The following SCP2 variants were observed in gnomAD, a reference collection of about 807,000 sequenced individuals.
The protein encoded by SCP2 is sterol carrier protein 2.
In SCP2, 48 loss-of-function variants were observed where a neutral mutation model predicts 71.4. The ratio of observed to expected loss-of-function variants is 0.67; its 90% CI spans 0.53 to 0.86. The LOEUF (loss-of-function observed/expected upper bound fraction) is 0.86. Among genes scored for constraint, SCP2 ranks in the 40% least tolerant of loss-of-function variants. The probability of loss-of-function intolerance (pLI) is 0.00; values close to 1 mark genes in which losing one functional copy is unlikely to be tolerated. For synonymous variants in SCP2, 220 were observed against 218.1 expected (o/e 1.01, Z -0.08); for missense variants, 560 against 655.6 (o/e 0.85, Z 1.59).
At chr1:53,022,776 CT>C (rs1265027507) in intron 12 of SCP2, among the ~76,000 whole-genome samples, 1 of 152,120 alleles carries the variant, frequency 6.6e-6, no homozygotes, top group Non-Finnish European at 1.5e-5. Flanking sequence ...TGCGGTGCTT[CT>C]GTTTTCCTGG....
At chr1:52,968,095 CAT>C (rs1657141641) in intron 6 of SCP2, among the ~76,000 whole-genome samples, 1 of 152,172 alleles carries the variant, frequency 6.6e-6, no homozygotes, top group Non-Finnish European at 1.5e-5. Flanking sequence ...TGCGTGCCAC[CAT>C]GCCTGGCTAA....
At chr1:52,962,264 A>G (rs904040442) in intron 6 of SCP2, among the ~76,000 whole-genome samples, 2 of 152,176 alleles carry the variant, frequency 1.3e-5, no homozygotes, top group Admixed American at 6.5e-5. Context: ...CAAGCTATTC[A>G]TACTCTACAT....
intron 11 of SCP2, among the ~76,000 whole-genome samples, chr1:52,989,706 G>A (rs987830836): frequency 6.6e-5 from 10 of 152,114 alleles, no homozygotes; most frequent in African/African-American, 1.4e-4. Context: ...GGCAATTGTC[G>A]AGAAAAATCA....
chr1:52,970,894 TGA>T (rs796321419), intron 6 of SCP2, among the ~76,000 whole-genome samples: 49 of 151,680 alleles, frequency 3.2e-4, no homozygotes, highest in African/African-American at 1.2e-3. Flanking sequence ...CTAGTTATGC[TGA>T]GAGTATGATT....
intron 6 of SCP2, 86 bp from the exon 7 acceptor site, chr1:52,974,683 A>T: frequency 1.3e-6 from 1 of 787,452 alleles, no homozygotes; most frequent in East Asian, 2.4e-5. Flanking sequence ...GGAGATATTT[A>T]GCAGAACACT....
intron 11 of SCP2, among the ~76,000 whole-genome samples, chr1:52,991,895 C>T (rs1351958264): frequency 6.6e-6 from 1 of 152,088 alleles, no homozygotes; most frequent in East Asian, 1.9e-4. Context: ...TGCAATACCA[C>T]TTAGCATCTC....
chr1:52,967,326 T>TG (rs1657058587), intron 6 of SCP2, among the ~76,000 whole-genome samples: 9 of 151,960 alleles, frequency 5.9e-5, no homozygotes, highest in African/African-American at 2.2e-4. Context: ...CTTGGTAATC[T>TG]ATTTTTTTTT....
chr1:52,959,361 A>G lies in SCP2; in HGVS notation c.397-2142A>G, dbSNP rs919257881. On this transcript the variant is annotated intron_variant, in intron 5 of 15. Transcript: ENST00000371514. The stretch of plus-strand genomic sequence containing the variant: ...CGGGCATGCGCCACCACGCCCTGCT[A>G]ATTTTGTATTTTTAGTAGAGACAGG... Among the ~76,000 whole-genome samples the G allele has an allele frequency of 7.3e-5, 11 of 151,530 alleles. No homozygotes were observed. The East Asian group carries it at 1.9e-3, about 27-fold the overall frequency.
intron 5 of SCP2, among the ~76,000 whole-genome samples, chr1:52,960,717 CGTGT>C (rs145935532): frequency 0.037 from 3,898 of 104,018 alleles, 163 homozygotes; most frequent in African/African-American, 0.11. Context: ...ATATTATGTG[CGTGT>C]GTGTGTGTGT....
chr1:52,948,224 A>C (rs1435254822), intron 3 of SCP2, 144 bp downstream of exon 3: 3 of 667,748 alleles, frequency 4.5e-6, no homozygotes, highest in Non-Finnish European at 8.1e-6. Context: ...AAAAGAAAAA[A>C]ATCTCAGAAT....
rs1653904189 is a variant in SCP2, at chr1:52,938,191, G to A, written c.70-3605G>A. ...CACATCCTTTTTTGATCAGCAGGGT[G>A]ATCAGTAGTGACTGAGGCTCAGGAG... On this transcript the variant is annotated intron_variant, in intron 1 of 15. Transcript: ENST00000371514. Among the ~76,000 whole-genome samples the A allele has an allele frequency of 2.6e-5, 4 of 152,304 alleles. No individual in the cohort carries two copies. In the South Asian group the frequency reaches 6.2e-4, roughly 24 times the overall value.
intron 11 of SCP2, chr1:52,996,107 G>A (rs1201159003): frequency 3.2e-6 from 2 of 626,494 alleles, no homozygotes; most frequent in Non-Finnish European, 2.4e-6. Context: ...CTCAGAATTT[G>A]TGTTTGCTGC....
chr1:53,009,870 C>T (rs9660829), intron 11 of SCP2, among the ~76,000 whole-genome samples: 48,124 of 152,062 alleles, frequency 0.32, 12,727 homozygotes, highest in African/African-American at 0.72. Flanking sequence ...ATTTTTGCAA[C>T]CTACCTATCT....
chr1:52,936,655 G>A (rs567952000), intron 1 of SCP2, among the ~76,000 whole-genome samples: 1 of 152,332 alleles, frequency 6.6e-6, no homozygotes, highest in South Asian at 2.1e-4. Context: ...AGGGAAGCCT[G>A]TAGATTAAAA....
At chr1:52,993,552 C>T (rs1343944562) in intron 11 of SCP2, 15 of 1,612,122 alleles carry the variant, frequency 9.3e-6, no homozygotes, top group East Asian at 4.5e-5. Context: ...AGGAAGCCCT[C>T]GCCAGTCCTC....
At chr1:53,019,874 A>G (rs1233425500) in intron 12 of SCP2, among the ~76,000 whole-genome samples, 1 of 152,116 alleles carries the variant, frequency 6.6e-6, no homozygotes, top group Non-Finnish European at 1.5e-5. Context: ...TTTATAGACT[A>G]GAGTTACCGG....
chr1:52,998,493 G>A (rs1033511191), intron 11 of SCP2, among the ~76,000 whole-genome samples: 2 of 152,166 alleles, frequency 1.3e-5, no homozygotes, highest in Non-Finnish European at 2.9e-5. Context: ...CTACCCAAGA[G>A]GCCGAGGTAG....
rs1553155290 is a variant in SCP2 at position 53,037,922 on chromosome 1, A to ACACACAC, written c.1339-994_1339-988dup. 9.3e-3 allele frequency among the ~76,000 whole-genome samples: 1,247 copies of ACACACAC among 133,940 alleles called. 40 individuals carry two copies. The highest frequency in any genetic ancestry group is 0.026 in the African/African-American group (919 of 35,606). 87.9% of individuals were successfully genotyped at this position (133,940 alleles called of 152,430 possible). On this transcript the variant is annotated intron_variant, in intron 13 of 15. Transcript: ENST00000371514. ...CACACACACACACACACACACACAC[A>ACACACAC]CACACACAGATCCAGATCCTGTCTC... is the stretch of plus-strand genomic sequence containing the variant.
chr1:52,988,899 C>T (rs1263743488), intron 11 of SCP2, among the ~76,000 whole-genome samples: 5 of 151,908 alleles, frequency 3.3e-5, no homozygotes, highest in African/African-American at 1.2e-4. Context: ...ACCATGTTGG[C>T]CAGGCTGGTC....
Sources: allele counts gnomAD v4.1 joint callset (sites outside exome capture counted in the v4.1 genomes callset), GRCh38; gene constraint gnomAD v4.1.1; transcripts MANE v1.5; gene names NCBI Gene and HGNC (gene_info 2026-07-23, HGNC 2026-07-21).